The following NMNAT2 variants were observed in gnomAD, a reference collection of about 807,000 sequenced individuals.
The protein encoded by NMNAT2 is nicotinamide nucleotide adenylyltransferase 2, also known as nicotinamide/nicotinic acid mononucleotide adenylyltransferase 2.
NMNAT2 carries 11 observed loss-of-function variants against 41.6 expected under a neutral mutation model. The ratio of observed to expected loss-of-function variants is 0.26; its 90% confidence interval spans 0.17 to 0.44. NMNAT2 has a LOEUF of 0.44. Ranked by LOEUF, NMNAT2 falls within the 20% of genes least tolerant of loss-of-function variation. The pLI is 1.00. For missense variants in NMNAT2, 288 were observed against 407.7 expected (o/e 0.71, Z 2.53); for synonymous variants, 148 against 151.2 (o/e 0.98, Z 0.16).
At chr1:183,276,080 C>A (rs16860731) in intron 8 of NMNAT2, among the ~76,000 whole-genome samples, 1 of 152,092 alleles carries the variant, frequency 6.6e-6, no homozygotes, top group Non-Finnish European at 1.5e-5. Flanking sequence ...AGGGGATGTT[C>A]CAAAGTCATC....
intron 1 of NMNAT2, among the ~76,000 whole-genome samples, chr1:183,344,349 C>T (rs1662881154): frequency 1.3e-5 from 2 of 152,136 alleles, no homozygotes; most frequent in African/African-American, 4.8e-5. Context: ...CAGGGCTGAC[C>T]CATTCCAAAG....
At chr1:183,379,909 T>C (rs1052910371) in intron 1 of NMNAT2, among the ~76,000 whole-genome samples, 2 of 152,250 alleles carry the variant, frequency 1.3e-5, no homozygotes, top group Admixed American at 6.5e-5. Flanking sequence ...TTCTTTCTAA[T>C]CCAATGAAAT....
chr1:183,258,916 C>A (rs778232978), intron 10 of NMNAT2, among the ~76,000 whole-genome samples: 1 of 152,174 alleles, frequency 6.6e-6, no homozygotes, highest in African/African-American at 2.4e-5. Flanking sequence ...AACTCTGCTC[C>A]CGAAATGCTC....
chr1:183,354,438 A>C (rs1663138310), intron 1 of NMNAT2, among the ~76,000 whole-genome samples: 1 of 109,248 alleles, frequency 9.2e-6, no homozygotes, highest in South Asian at 2.8e-4. Flanking sequence ...TTTTTGAGAT[A>C]CTGTCTCACT....
intron 1 of NMNAT2, among the ~76,000 whole-genome samples, chr1:183,317,878 A>C (rs1325983205): frequency 6.6e-6 from 1 of 152,208 alleles, no homozygotes; most frequent in Non-Finnish European, 1.5e-5. Flanking sequence ...AAAAGAAAAA[A>C]ATATTTAAAT....
At chr1:183,400,775 C>G (rs1339922295) in intron 1 of NMNAT2, among the ~76,000 whole-genome samples, 1 of 152,190 alleles carries the variant, frequency 6.6e-6, no homozygotes, top group Non-Finnish European at 1.5e-5. Context: ...CTACAATCAT[C>G]TGATCTTTGA....
At chr1:183,338,218 C>CT (rs57313147) in intron 1 of NMNAT2, among the ~76,000 whole-genome samples, 105,638 of 148,534 alleles carry the variant, frequency 0.71, 37,703 homozygotes, top group East Asian at 0.9. Flanking sequence ...TCTGACAGAT[C>CT]ATTAACCGTG....
At chr1:183,416,963 G>A (rs1233232752) in intron 1 of NMNAT2, among the ~76,000 whole-genome samples, 1 of 152,240 alleles carries the variant, frequency 6.6e-6, no homozygotes, top group Non-Finnish European at 1.5e-5. Flanking sequence ...CGCCTTGCTG[G>A]CGGGCCAGGT....
intron 1 of NMNAT2, among the ~76,000 whole-genome samples, chr1:183,405,970 T>A (rs1252129743): frequency 1.3e-5 from 2 of 152,232 alleles, no homozygotes; most frequent in African/African-American, 4.8e-5. Context: ...TTAGATTTTT[T>A]AATAAATTGG....
chr1:183,375,973 G>T (rs547796536), intron 1 of NMNAT2, among the ~76,000 whole-genome samples: 1 of 151,624 alleles, frequency 6.6e-6, no homozygotes, highest in Non-Finnish European at 1.5e-5. Context: ...CACCACATCT[G>T]AAAAGAAACA....
intron 10 of NMNAT2, among the ~76,000 whole-genome samples, chr1:183,254,070 G>T (rs1660460546): frequency 6.6e-6 from 1 of 152,146 alleles, no homozygotes; most frequent in South Asian, 2.1e-4. Context: ...ACCTTTACAA[G>T]GTGGTGATTT....
intron 1 of NMNAT2, among the ~76,000 whole-genome samples, chr1:183,407,394 C>T (rs1223198608): frequency 6.6e-6 from 1 of 152,024 alleles, no homozygotes; most frequent in African/African-American, 2.4e-5. Context: ...TTTTTTGGTT[C>T]TGTCTTGCTT....
At position 183,296,505 on chromosome 1, in the gene NMNAT2, T is replaced by C. The variant is rs570286659; in HGVS notation, c.86-2712A>G. Reference sequence around the variant, plus strand: ...GATTTTAATAAGTGTGTCACTCTGATAAGTGTGTCACATTTGCTTTTTTTT... The same window carrying C: ...GATTTTAATAAGTGTGTCACTCTGACAAGTGTGTCACATTTGCTTTTTTTT... On this transcript the variant is annotated intron_variant, in intron 1 of 10. Transcript: ENST00000287713. 2.0e-5 allele frequency among the ~76,000 whole-genome samples: 3 copies of C among 146,496 alleles called. No homozygotes were observed. In the South Asian group the frequency reaches 6.6e-4, roughly 32 times the overall value.
intron 1 of NMNAT2, among the ~76,000 whole-genome samples, chr1:183,377,989 G>A (rs1372435492): frequency 6.6e-6 from 1 of 152,180 alleles, no homozygotes; most frequent in African/African-American, 2.4e-5. Context: ...GGGTTCTTCA[G>A]TAGACTTAAC....
At chr1:183,269,604 AGG>A (rs1471852778) in intron 8 of NMNAT2, among the ~76,000 whole-genome samples, 2 of 152,252 alleles carry the variant, frequency 1.3e-5, no homozygotes, top group Admixed American at 6.5e-5. Flanking sequence ...ATTGGGAAGG[AGG>A]GGAAGAAACA....
intron 1 of NMNAT2, among the ~76,000 whole-genome samples, chr1:183,318,712 GAC>G (rs1172370591): frequency 2.0e-5 from 3 of 152,132 alleles, no homozygotes; most frequent in Non-Finnish European, 4.4e-5. Flanking sequence ...AGCTTGTAGA[GAC>G]ACACATCAAA....
intron 1 of NMNAT2, among the ~76,000 whole-genome samples, chr1:183,299,084 C>A (rs1035835921): frequency 5.3e-5 from 8 of 152,090 alleles, no homozygotes; most frequent in Non-Finnish European, 1.5e-5. Flanking sequence ...TAAAAAGGAA[C>A]AAATTGGCTG....
At chr1:183,269,680 G>C (rs1419880245) in intron 8 of NMNAT2, among the ~76,000 whole-genome samples, 1 of 152,206 alleles carries the variant, frequency 6.6e-6, no homozygotes, top group African/African-American at 2.4e-5. Flanking sequence ...TAATCCTTAT[G>C]ACAACTGTCT....
At chr1:183,323,387 T>C (rs1333362562) in intron 1 of NMNAT2, among the ~76,000 whole-genome samples, 1 of 152,196 alleles carries the variant, frequency 6.6e-6, no homozygotes, top group Non-Finnish European at 1.5e-5. Flanking sequence ...TCCCATTCAT[T>C]GGCAGCCTCT....
Sources: allele counts gnomAD v4.1 joint callset (sites outside exome capture counted in the v4.1 genomes callset), GRCh38; gene constraint gnomAD v4.1.1; transcripts MANE v1.5; gene names NCBI Gene and HGNC (gene_info 2026-07-23, HGNC 2026-07-21).